The following MAPK10 variants were observed in gnomAD, a reference collection of about 807,000 sequenced individuals.
MAPK10 encodes JNK3 alpha protein kinase.
A neutral mutation model predicts 59.3 loss-of-function variants in MAPK10; 25 were observed. The ratio of observed to expected loss-of-function variants is 0.42; its 90% CI spans 0.31 to 0.59. The LOEUF (loss-of-function observed/expected upper bound fraction) is 0.59. Among genes scored for constraint, MAPK10 ranks in the 20% least tolerant of loss-of-function variants. MAPK10 has a pLI of 0.15. For missense variants in MAPK10, 351 were observed against 568.9 expected, an observed-to-expected ratio of 0.62 and a Z score of 3.90; for synonymous variants, 190 against 200.5, an observed-to-expected ratio of 0.95 and a Z score of 0.44.
chr4:86,278,934 A>T (rs1321779318), intron 2 of MAPK10, among the ~76,000 whole-genome samples: 1 of 152,208 alleles, frequency 6.6e-6, no homozygotes, highest in Non-Finnish European at 1.5e-5. Flanking sequence ...ACAATGTGGG[A>T]TTCTGGATCA....
intron 11 of MAPK10, among the ~76,000 whole-genome samples, chr4:86,044,949 C>A (rs988243859): frequency 1.3e-5 from 2 of 151,960 alleles, no homozygotes; most frequent in African/African-American, 4.8e-5. Context: ...ACTTGCAATG[C>A]GAAAAGCATG....
intron 9 of MAPK10, among the ~76,000 whole-genome samples, chr4:86,069,985 T>C (rs1281647583): frequency 6.6e-6 from 1 of 152,212 alleles, no homozygotes; most frequent in East Asian, 1.9e-4. Context: ...TAAGAATTGT[T>C]AAAATGTTTC....
intron 2 of MAPK10, among the ~76,000 whole-genome samples, chr4:86,284,101 T>C (rs910992780): frequency 6.6e-6 from 1 of 152,236 alleles, no homozygotes; most frequent in Admixed American, 6.5e-5. Flanking sequence ...TATTATTTAT[T>C]GAGCATTTAC....
intron 11 of MAPK10, among the ~76,000 whole-genome samples, chr4:86,051,211 G>A (rs919311991): frequency 2.6e-5 from 4 of 152,036 alleles, no homozygotes; most frequent in African/African-American, 9.7e-5. Flanking sequence ...CCATTAGAAA[G>A]GGACATAATA....
At chr4:86,195,516 G>A (rs114944668) in intron 2 of MAPK10, among the ~76,000 whole-genome samples, 4,599 of 152,282 alleles carry the variant, frequency 0.03, 94 homozygotes, top group South Asian at 0.041. Flanking sequence ...TGAGGCCGCT[G>A]TTTGTCACAG....
intron 11 of MAPK10, among the ~76,000 whole-genome samples, chr4:86,033,523 T>C (rs72660199): frequency 0.036 from 5,438 of 152,330 alleles, 144 homozygotes; most frequent in Middle Eastern, 0.075. Flanking sequence ...ATAAATGCCA[T>C]TTTCTTTTTG....
At chr4:86,355,351 C>G (rs1459865272) in intron 1 of MAPK10, among the ~76,000 whole-genome samples, 1 of 152,014 alleles carries the variant, frequency 6.6e-6, no homozygotes, top group Non-Finnish European at 1.5e-5. Flanking sequence ...CACAATTACT[C>G]CTAGGACTAC....
chr4:86,283,236 C>T (rs960715061), intron 2 of MAPK10, among the ~76,000 whole-genome samples: 3 of 152,056 alleles, frequency 2.0e-5, no homozygotes, highest in African/African-American at 7.2e-5. Flanking sequence ...TCTGGAAAGC[C>T]ATGTAGAATA....
chr4:86,077,991 C>G (rs1179377561), intron 9 of MAPK10, among the ~76,000 whole-genome samples: 2 of 152,152 alleles, frequency 1.3e-5, no homozygotes, highest in Non-Finnish European at 2.9e-5. Context: ...TTATATTAAA[C>G]TGTGGTTCCC....
chr4:86,524,059 G>A (rs78924164), intron 1 of MAPK10, among the ~76,000 whole-genome samples: 7,130 of 152,050 alleles, frequency 0.047, 221 homozygotes, highest in African/African-American at 0.059. Flanking sequence ...AGAGCCTGCC[G>A]CTTTTCCCAC....
At chr4:86,434,472 C>T (rs960638844) in intron 1 of MAPK10, among the ~76,000 whole-genome samples, 1 of 152,154 alleles carries the variant, frequency 6.6e-6, no homozygotes, top group African/African-American at 2.4e-5. Flanking sequence ...CCAATTTAAA[C>T]ATGTGCCAAA....
At chr4:86,565,324 TC>T (rs770522429) in intron 1 of MAPK10, among the ~76,000 whole-genome samples, 46 of 152,294 alleles carry the variant, frequency 3.0e-4, no homozygotes, top group Non-Finnish European at 6.0e-4. Flanking sequence ...AGTTTCCAAT[TC>T]CACCATTGTA....
intron 1 of MAPK10, among the ~76,000 whole-genome samples, chr4:86,498,162 A>T (rs1410962296): frequency 6.6e-6 from 1 of 152,176 alleles, no homozygotes; most frequent in Non-Finnish European, 1.5e-5. Context: ...CTGGCATTTC[A>T]TCCCTTCGAC....
intron 1 of MAPK10, among the ~76,000 whole-genome samples, chr4:86,592,349 C>A (rs1763101339): frequency 1.5e-5 from 2 of 136,098 alleles, no homozygotes; most frequent in South Asian, 2.2e-4. Context: ...CCTGAAATGG[C>A]CTTAATAAAA....
intron 9 of MAPK10, chr4:86,091,536 A>ATTTTTTTTTTTTTTTT (rs71657508): frequency 7.4e-5 from 5 of 67,458 alleles, no homozygotes; most frequent in Admixed American, 2.2e-4. Flanking sequence ...AAATCCCTTG[A>ATTTTTTTTTTTTTTTT]TTTTTTTTTT....
intron 1 of MAPK10, among the ~76,000 whole-genome samples, chr4:86,490,097 A>G (rs1256385013): frequency 6.6e-6 from 1 of 152,208 alleles, no homozygotes; most frequent in African/African-American, 2.4e-5. Flanking sequence ...TTAAATTCAT[A>G]CAATAAATAG....
At position 86,530,633 on chromosome 4, in the gene MAPK10, C is replaced by T. The variant is rs148349189; in HGVS notation, c.-263+63277G>A. 1.6e-4 allele frequency among the ~76,000 whole-genome samples: 24 copies of T among 152,268 alleles called. No homozygotes were observed. In the East Asian group the frequency reaches 4.3e-3, roughly 27 times the overall value. On this transcript the variant is annotated intron_variant, in intron 1 of 4. Transcript: ENST00000502302. Reference sequence around the variant, plus strand: ...CCCATTTCTTGATTCACAAAAAATACCTTCTTGCCACATCCTCACATGGTG... The same window carrying T: ...CCCATTTCTTGATTCACAAAAAATATCTTCTTGCCACATCCTCACATGGTG...
At position 86,529,419 on chromosome 4, in the gene MAPK10, C is replaced by G. The variant is rs1757704304; in HGVS notation, c.-263+64491G>C. On this transcript the variant is annotated intron_variant, in intron 1 of 4. Transcript: ENST00000502302. ...AGGCCATTGTCACCGGCCCCCACCTCCACCTAGAAAGGCCCCACTCATGCC... is the reference window on the plus strand; with the variant it reads ...AGGCCATTGTCACCGGCCCCCACCTGCACCTAGAAAGGCCCCACTCATGCC... Among the ~76,000 whole-genome samples the G allele has an allele frequency of 2.0e-5, 3 of 152,198 alleles. No individual in the cohort carries two copies. The South Asian group carries it at 6.2e-4, about 32-fold the overall frequency.
chr4:86,594,022 C>T (rs1763333314), exon 1 of MAPK10: 1 of 152,310 alleles, frequency 6.6e-6, no homozygotes, highest in Non-Finnish European at 1.5e-5. Context: ...GAGTTCACCA[C>T]ACTGCAGGCG....
Sources: gnomAD v4.1 joint callset for allele counts (sites outside exome capture counted in the v4.1 genomes callset) on GRCh38, gnomAD v4.1.1 for gene constraint, MANE v1.5 for transcripts, NCBI Gene and HGNC (gene_info 2026-07-23, HGNC 2026-07-21) for gene names.